Variants in CPT1A observed in about 807,000 individuals in gnomAD.
CPT1A encodes carnitine O-palmitoyltransferase 1, liver isoform.
Under a neutral mutation model 100.8 loss-of-function variants are expected in CPT1A, and 64 were observed. The ratio of observed to expected loss-of-function variants is 0.63; its 90% CI spans 0.52 to 0.78. The LOEUF is 0.78. Among genes scored for constraint, CPT1A ranks in the 30% least tolerant of loss-of-function variants. CPT1A has a pLI of 0.00. For missense variants in CPT1A, 802 were observed against 1,034.1 expected (o/e 0.78, Z 3.08); for synonymous variants, 363 against 396.0 (o/e 0.92, Z 0.99).
chr11:68,796,939 G>C lies in CPT1A; in HGVS notation c.694-6C>G. Reference sequence around the variant, plus strand: ...TCCTCCCACCAGTCGCTCACCTAGTGGGCGCAAACACCAGACAAACCCGCA... The same window carrying C: ...TCCTCCCACCAGTCGCTCACCTAGTCGGCGCAAACACCAGACAAACCCGCA... On this transcript the variant is annotated splice_polypyrimidine_tract_variant and splice_region_variant and intron_variant, in intron 6 of 18. Coordinates refer to ENST00000265641, the MANE Select transcript of CPT1A (RefSeq NM_001876.4). 1 of 1,613,700 alleles carries C rather than the reference G, an allele frequency of 6.2e-7. No homozygotes were observed.
chr11:68,832,284 A>C (rs1159801013), intron 1 of CPT1A, among the ~76,000 whole-genome samples: 6 of 152,172 alleles, frequency 3.9e-5, no homozygotes, highest in Admixed American at 2.0e-4. Context: ...CCCTGTCTCT[A>C]CTAAAAATAC....
Position 68,757,492 on chromosome 11 carries a change from C to G in CPT1A, c.*152G>C. 1 of 1,518,804 alleles carries G rather than the reference C, an allele frequency of 6.6e-7. No homozygotes were observed. Among genetic ancestry groups the G allele is most frequent in the South Asian group, 1.2e-5 (1 of 80,856 alleles). 94.1% of individuals were successfully genotyped at this position (1,518,804 alleles called of 1,614,324 possible). A position where few individuals can be genotyped will look rare whatever the true frequency, so the allele number is the denominator to read the frequency against. ...TGCTTCACAGGGGAGAGATACTGTTCTAGGAAAAAAAAACACCCACATTTT... is the reference window on the plus strand; with the variant it reads ...TGCTTCACAGGGGAGAGATACTGTTGTAGGAAAAAAAAACACCCACATTTT... On this transcript the variant is annotated 3_prime_UTR_variant, in exon 19 of 19. Transcript: ENST00000265641.
chr11:68,838,071 T>C (rs1300061836), intron 1 of CPT1A, among the ~76,000 whole-genome samples: 1 of 152,056 alleles, frequency 6.6e-6, no homozygotes, highest in Non-Finnish European at 1.5e-5. Context: ...CCTTCCTTTC[T>C]TAACATAAAG....
rs1946704747 is a variant in CPT1A at position 68,756,922 on chromosome 11, C to A, written c.*722G>T. ...GTCAATTGTGAAGGGAACAGTATAC[C>A]CACAATTCCACCCAAAGACTCTACA... On this transcript the variant is annotated 3_prime_UTR_variant, in exon 19 of 19. Coordinates refer to ENST00000265641, the MANE Select transcript of CPT1A (RefSeq NM_001876.4). The A allele has an allele frequency of 6.5e-6, 1 of 152,928 alleles. No homozygotes were observed. The highest frequency in any genetic ancestry group is 1.9e-4 in the East Asian group (1 of 5,184). The allele number at this position is 152,928 out of a possible 1,614,324, so 9.5% of individuals were successfully genotyped here.
upstream of CPT1A, among the ~76,000 whole-genome samples, chr11:68,843,134 ACCG>A (rs1217432844): frequency 6.6e-6 from 1 of 150,654 alleles, no homozygotes; most frequent in African/African-American, 2.4e-5. The surrounding 1 kb of genome is among the most constrained non-coding windows in gnomAD (Gnocchi z 4.0). Context: ...GCCCCCCACC[ACCG>A]CTGCAGTTAA....
intron 11 of CPT1A, 26 bp from the exon 12 acceptor site, chr11:68,780,771 C>T: frequency 1.3e-6 from 2 of 1,598,978 alleles, no homozygotes; most frequent in African/African-American, 1.3e-5. Flanking sequence ...ATGTGTGGAA[C>T]TTAAGTGTTT....
At chr11:68,828,166 T>C (rs1856781662) in intron 1 of CPT1A, among the ~76,000 whole-genome samples, 1 of 152,178 alleles carries the variant, frequency 6.6e-6, no homozygotes, top group South Asian at 2.1e-4. Flanking sequence ...CATCCTGCCC[T>C]CTTTGCCCTT....
At chr11:68,827,366 T>A (rs1856758788) in intron 1 of CPT1A, among the ~76,000 whole-genome samples, 1 of 152,122 alleles carries the variant, frequency 6.6e-6, no homozygotes, top group East Asian at 1.9e-4. Context: ...CAGTGAACTT[T>A]ACTATATTAT....
At chr11:68,836,455 G>A (rs765079077) in intron 1 of CPT1A, among the ~76,000 whole-genome samples, 6 of 151,976 alleles carry the variant, frequency 3.9e-5, no homozygotes, top group Admixed American at 6.6e-5. Context: ...ACTCCAGCTT[G>A]GGCACCAAGG....
chr11:68,827,196 G>A (rs756493660), intron 1 of CPT1A, among the ~76,000 whole-genome samples: 5 of 152,048 alleles, frequency 3.3e-5, no homozygotes, highest in East Asian at 1.9e-4. Flanking sequence ...AACCAGGCGC[G>A]GTGGTGAGCA....
rs760244526 is a variant in CPT1A, at chr11:68,799,247, T to A, written c.664A>T (p.Lys222Ter). 1 of 1,614,060 alleles carries A rather than the reference T, an allele frequency of 6.2e-7. No homozygotes were observed. The highest frequency in any genetic ancestry group is 2.2e-5 in the East Asian group (1 of 44,882). Residue 222 changes from lysine (K) to a stop codon, truncating the protein, a stop_gained, in exon 6 of 19, where the codon AAG (lysine) becomes TAG (stop). Transcript: ENST00000265641. LOFTEE classifies it high-confidence loss of function. ...GLGPRLQWYLKLKSWWATNYV... is the reference protein window; with the variant it reads ...GLGPRLQWYL The stretch of plus-strand genomic sequence containing the variant: ...TTTGTAGCCCACCAGGATTTTAACT[T>A]CAAATACCACTGTAATCTTGGTCCA...
At chr11:68,758,616 C>CTTTT (rs533259989) in intron 18 of CPT1A, among the ~76,000 whole-genome samples, 2 of 138,228 alleles carry the variant, frequency 1.4e-5, no homozygotes, top group Non-Finnish European at 3.1e-5. Context: ...GATACATTTC[C>CTTTT]TTTTTTTTTT....
At chr11:68,839,409 G>C in intron 1 of CPT1A, 1 of 707,966 alleles carries the variant, frequency 1.4e-6, no homozygotes, top group Non-Finnish European at 1.7e-6. Context: ...TAGGGGAAAG[G>C]TCAGCAGCAG....
rs766253835 is a variant in CPT1A at position 68,775,394 on chromosome 11, C to T, written c.1497G>A (p.Ala499=). 18 of 1,614,098 alleles carry T rather than the reference C, an allele frequency of 1.1e-5. No individual in the cohort carries two copies. Among genetic ancestry groups the T allele is most frequent in the South Asian group, 7.7e-5 (7 of 91,096 alleles). ...TGTCGCCTTTGCAGTGCCCATCCTC[C>T]GCATAGCCCAGCTGGAGGCTGTCAA... ...MSIDSLQLGY[A]EDGHCKGDIN... The change falls in exon 13 of 19, where the codon GCG becomes GCA. Residue 499 remains alanine, a synonymous_variant. Coordinates refer to ENST00000265641, the MANE Select transcript of CPT1A (RefSeq NM_001876.4).
intron 14 of CPT1A, among the ~76,000 whole-genome samples, chr11:68,767,829 A>G (rs980414973): frequency 2.0e-5 from 3 of 152,112 alleles, no homozygotes; most frequent in African/African-American, 7.2e-5. Flanking sequence ...TGTGTAACAA[A>G]TATGTAACTG....
chr11:68,787,713 G>A (rs1223114044), intron 9 of CPT1A, among the ~76,000 whole-genome samples: 4 of 151,760 alleles, frequency 2.6e-5, no homozygotes, highest in African/African-American at 9.7e-5. Context: ...AGGCCGAGGT[G>A]GGCAGATCGC....
intron 11 of CPT1A, 151 bp from the exon 12 acceptor site, chr11:68,780,896 G>C (rs1177150882): frequency 1.4e-6 from 1 of 697,928 alleles, no homozygotes; most frequent in Non-Finnish European, 2.7e-6. Flanking sequence ...TGGAGTGAGG[G>C]TGAAAGTACA....
chr11:68,774,149 CAA>C (rs1855078641), intron 13 of CPT1A, among the ~76,000 whole-genome samples: 1 of 152,186 alleles, frequency 6.6e-6, no homozygotes, highest in Non-Finnish European at 1.5e-5. Context: ...GGCCCTCTTC[CAA>C]ATGTACTTTC....
chr11:68,787,650 A>T (rs1855500437), intron 9 of CPT1A, among the ~76,000 whole-genome samples: 1 of 151,614 alleles, frequency 6.6e-6, no homozygotes, highest in African/African-American at 2.4e-5. Context: ...TTTTAAGAAG[A>T]GGAGTTTAGG....
Sources: allele counts gnomAD v4.1 joint callset (sites outside exome capture counted in the v4.1 genomes callset), GRCh38; gene constraint gnomAD v4.1.1; non-coding constraint Gnocchi (gnomAD v3.1); transcripts MANE v1.5; gene names NCBI Gene and HGNC (gene_info 2026-07-23, HGNC 2026-07-21).